Variants in UNC5B observed in about 807,000 individuals in gnomAD.
The protein encoded by UNC5B is unc-5 netrin receptor B.
UNC5B carries 56 observed loss-of-function variants against 103.7 expected under a neutral mutation model. That is an observed-to-expected ratio of 0.54 (90% CI 0.44 to 0.67). The LOEUF (loss-of-function observed/expected upper bound fraction) is 0.67. Ranked by LOEUF, UNC5B falls within the 30% of genes least tolerant of loss-of-function variation. The pLI is 0.00. For missense variants in UNC5B, 1,194 were observed against 1,284.5 expected (o/e 0.93, Z 1.08); for synonymous variants, 577 against 542.0 (o/e 1.06, Z -0.90).
intron 1 of UNC5B, among the ~76,000 whole-genome samples, chr10:71,255,037 ATACT>A (rs1348050375): frequency 6.6e-6 from 1 of 152,222 alleles, no homozygotes; most frequent in East Asian, 1.9e-4. Flanking sequence ...ATGTCATCAC[ATACT>A]TACAGGTTTC....
chr10:71,243,674 C>A (rs1206153766), intron 1 of UNC5B, among the ~76,000 whole-genome samples: 1 of 152,094 alleles, frequency 6.6e-6, no homozygotes, highest in Non-Finnish European at 1.5e-5. Context: ...TCAGAGGCCA[C>A]CCCACCTGGA....
chr10:71,292,385 C>G (rs1246529645), intron 10 of UNC5B, 82 bp from the exon 11 acceptor site: 4 of 1,247,170 alleles, frequency 3.2e-6, no homozygotes, highest in African/African-American at 3.0e-5. Flanking sequence ...TCTTTCTCTC[C>G]CAGCCCCAAG....
chr10:71,297,783 T>C, intron 15 of UNC5B, 126 bp from the exon 16 acceptor site: 4 of 1,074,840 alleles, frequency 3.7e-6, no homozygotes, highest in Non-Finnish European at 1.3e-6. Context: ...GCCTGAACAG[T>C]GGGAGTCTGT....
intron 1 of UNC5B, among the ~76,000 whole-genome samples, chr10:71,226,369 C>T (rs1486496590): frequency 3.3e-5 from 5 of 152,252 alleles, no homozygotes; most frequent in Non-Finnish European, 5.9e-5. Context: ...GCCACCTCGC[C>T]CAGCCCATAA....
intron 1 of UNC5B, among the ~76,000 whole-genome samples, chr10:71,261,436 T>C (rs1180592376): frequency 6.6e-6 from 1 of 152,204 alleles, no homozygotes; most frequent in African/African-American, 2.4e-5. Flanking sequence ...TATCCTGAGA[T>C]TCTGAGGCTG....
At chr10:71,276,533 A>G (rs1257678687) in intron 1 of UNC5B, among the ~76,000 whole-genome samples, 2 of 152,190 alleles carry the variant, frequency 1.3e-5, no homozygotes, top group Non-Finnish European at 2.9e-5. Context: ...TCTCGGGTTC[A>G]AGCAGTTCTC....
intron 1 of UNC5B, among the ~76,000 whole-genome samples, chr10:71,240,130 A>C (rs76151193): frequency 0.011 from 1,730 of 151,676 alleles, 30 homozygotes; most frequent in African/African-American, 0.04. Flanking sequence ...GCCCTGCTGC[A>C]GGAGGGAGTC....
At chr10:71,276,783 A>G (rs1844782072) in intron 1 of UNC5B, among the ~76,000 whole-genome samples, 1 of 152,256 alleles carries the variant, frequency 6.6e-6, no homozygotes, top group Admixed American at 6.5e-5. Context: ...TGTGCTGGCC[A>G]GCAGAGTCCA....
intron 3 of UNC5B, 57 bp from the exon 4 acceptor site, chr10:71,285,269 A>C: frequency 6.6e-7 from 1 of 1,513,166 alleles, no homozygotes; most frequent in South Asian, 1.2e-5. Context: ...AGTGTAGCAC[A>C]TCAGGTTCTG....
intron 4 of UNC5B, among the ~76,000 whole-genome samples, chr10:71,286,307 G>A (rs1845078081): frequency 1.3e-5 from 2 of 152,228 alleles, no homozygotes; most frequent in African/African-American, 4.8e-5. Flanking sequence ...AGAGCTGGGA[G>A]GAGTTAATGA....
At chr10:71,224,265 AC>A in intron 1 of UNC5B, among the ~76,000 whole-genome samples, 1 of 144,228 alleles carries the variant, frequency 6.9e-6, no homozygotes, top group East Asian at 2.0e-4. Flanking sequence ...ACACACACAC[AC>A]ACACCAGGAA....
chr10:71,285,546 C>T (rs1248023374), intron 4 of UNC5B, 117 bp downstream of exon 4: 12 of 880,552 alleles, frequency 1.4e-5, no homozygotes, highest in South Asian at 5.2e-5. Context: ...CTGCCCCTTT[C>T]GCAGATGAGA....
intron 1 of UNC5B, among the ~76,000 whole-genome samples, chr10:71,255,861 A>G (rs982224091): frequency 6.6e-6 from 1 of 152,218 alleles, no homozygotes; most frequent in Admixed American, 6.5e-5. Flanking sequence ...CAACAACAAA[A>G]GGCAAGAGCA....
Position 71,233,939 on chromosome 10 carries a change from T to C in UNC5B, c.79+20875T>C, listed in dbSNP as rs912272044. 7.9e-5 allele frequency among the ~76,000 whole-genome samples: 12 copies of C among 152,372 alleles called. 1 individual carries two copies. The highest frequency in any genetic ancestry group is 1.9e-4 in the East Asian group (1 of 5,188). On this transcript the variant is annotated intron_variant, in intron 1 of 16. Coordinates refer to ENST00000335350, the MANE Select transcript of UNC5B (RefSeq NM_170744.5). ...TAGAAACAGGGTCCACAAAGGAACC[T>C]GGTCCCAGGGTGCTCCAGGCCACAC...
rs1046619061 is a variant in UNC5B at position 71,291,530 on chromosome 10, A to G, written c.1393A>G (p.Lys465Glu). ...PVYALQDSTD[K>E]IPMTNSPLLD... Reference sequence around the variant, plus strand: ...GTATGCCCTGCAGGACTCCACCGACAAAATCCCCATGACCAACTCTCCTCT... The same window carrying G: ...GTATGCCCTGCAGGACTCCACCGACGAAATCCCCATGACCAACTCTCCTCT... The change falls in exon 10 of 17, where the codon AAA becomes GAA. Residue 465 changes from lysine to glutamate, a missense_variant. Transcript: ENST00000335350. The G allele has an allele frequency of 3.1e-6, 5 of 1,614,112 alleles. No individual in the cohort carries two copies. The highest frequency in any genetic ancestry group is 4.2e-6 in the Non-Finnish European group (5 of 1,180,014).
intron 1 of UNC5B, among the ~76,000 whole-genome samples, chr10:71,262,875 A>G (rs1844443521): frequency 6.6e-6 from 1 of 152,210 alleles, no homozygotes; most frequent in Non-Finnish European, 1.5e-5. Flanking sequence ...CTGCCCTGGG[A>G]CCACACAGTC....
At chr10:71,293,296 A>T in intron 11 of UNC5B, 109 bp from the exon 12 acceptor site, 1 of 1,292,228 alleles carries the variant, frequency 7.7e-7, no homozygotes. Context: ...TGAGTGGCAA[A>T]GAGCTGCCCT....
chr10:71,277,037 C>A (rs547731884), intron 1 of UNC5B, among the ~76,000 whole-genome samples: 2 of 152,208 alleles, frequency 1.3e-5, no homozygotes, highest in African/African-American at 4.8e-5. Context: ...AAGAGTAGGG[C>A]GGTGGGGCTG....
chr10:71,218,116 G>C (rs1843376121), intron 1 of UNC5B: 1 of 146,298 alleles, frequency 6.8e-6, no homozygotes, highest in Admixed American at 6.8e-5. Flanking sequence ...GCGGAGGTGG[G>C]AGTTTGCAGG....
Sources: allele counts gnomAD v4.1 joint callset (sites outside exome capture counted in the v4.1 genomes callset), GRCh38; gene constraint gnomAD v4.1.1; transcripts MANE v1.5; gene names NCBI Gene and HGNC (gene_info 2026-07-23, HGNC 2026-07-21).